DCC: variants seen among roughly 807,000 people sequenced by gnomAD.
DCC encodes the protein DCC netrin 1 receptor, also known as netrin receptor DCC.
DCC carries 58 observed loss-of-function variants against 172.5 expected under a neutral mutation model. The observed-to-expected ratio is 0.34, with a 90% confidence interval of 0.27 to 0.42. The LOEUF (loss-of-function observed/expected upper bound fraction) is 0.42, where lower values mean the gene tolerates loss of function less well. Ranked by LOEUF, DCC falls within the 10% of genes least tolerant of loss-of-function variation. The pLI is 1.00. For missense variants in DCC, 1,740 were observed against 1,791.0 expected (o/e 0.97, Z 0.51); for synonymous variants, 709 against 644.5 (o/e 1.10, Z -1.52).
intron 27 of DCC, among the ~76,000 whole-genome samples, chr18:53,513,658 G>T (rs12457084): frequency 0.13 from 20,450 of 151,746 alleles, 1,612 homozygotes; most frequent in Admixed American, 0.25. Flanking sequence ...GGCAGGGGTT[G>T]CAATCCTAGT....
chr18:52,435,650 G>A (rs1987768694), intron 1 of DCC, among the ~76,000 whole-genome samples: 1 of 152,032 alleles, frequency 6.6e-6, no homozygotes, highest in Admixed American at 6.6e-5. Context: ...TTTCCTCCTG[G>A]GCCACCTGTT....
At chr18:53,426,723 C>T (rs1174202656) in intron 21 of DCC, among the ~76,000 whole-genome samples, 1 of 152,014 alleles carries the variant, frequency 6.6e-6, no homozygotes, top group African/African-American at 2.4e-5. Context: ...CACTGACTTA[C>T]AAACTTCTGC....
At chr18:53,126,819 G>A (rs531712355) in intron 7 of DCC, among the ~76,000 whole-genome samples, 2 of 152,074 alleles carry the variant, frequency 1.3e-5, no homozygotes, top group South Asian at 2.1e-4. Flanking sequence ...ATTCTGACAC[G>A]TAGAAATTAT....
At chr18:52,554,170 CT>C (rs1267481903) in intron 1 of DCC, among the ~76,000 whole-genome samples, 6 of 152,108 alleles carry the variant, frequency 3.9e-5, no homozygotes, top group African/African-American at 1.4e-4. Context: ...TAGAAATGGC[CT>C]CAAGTTAAAG....
At chr18:53,517,440 AAATATAAT>A (rs545157112) in intron 27 of DCC, among the ~76,000 whole-genome samples, 1,862 of 128,660 alleles carry the variant, frequency 0.014, 40 homozygotes, top group African/African-American at 0.049. Context: ...CTAAAACTTA[AAATATAAT>A]AATAATAATA....
At chr18:53,207,978 T>A (rs1449788894) in intron 11 of DCC, among the ~76,000 whole-genome samples, 161 bp downstream of exon 11, 1 of 151,992 alleles carries the variant, frequency 6.6e-6, no homozygotes, top group African/African-American at 2.4e-5. Flanking sequence ...AGATACATAC[T>A]CCCAGCTGGA....
intron 2 of DCC, among the ~76,000 whole-genome samples, chr18:52,757,530 C>T (rs1434218431): frequency 6.6e-6 from 1 of 152,106 alleles, no homozygotes; most frequent in Non-Finnish European, 1.5e-5. Context: ...CACTGACTTG[C>T]CCTGCACACT....
chr18:53,089,496 A>T (rs1298511481), intron 7 of DCC, among the ~76,000 whole-genome samples: 1 of 152,128 alleles, frequency 6.6e-6, no homozygotes, highest in Admixed American at 6.5e-5. Flanking sequence ...CTCTTTCTTC[A>T]TGAAAAAGTT....
intron 27 of DCC, among the ~76,000 whole-genome samples, chr18:53,521,174 C>A (rs370478820): frequency 6.6e-6 from 1 of 152,074 alleles, no homozygotes; most frequent in Non-Finnish European, 1.5e-5. Flanking sequence ...GTCTTTGAGC[C>A]GAGACAATGT....
chr18:53,149,271 A>C (rs2043964181), intron 7 of DCC, among the ~76,000 whole-genome samples: 1 of 152,150 alleles, frequency 6.6e-6, no homozygotes, highest in African/African-American at 2.4e-5. Flanking sequence ...AAATAACAAT[A>C]ATAACAGCCG....
intron 1 of DCC, among the ~76,000 whole-genome samples, chr18:52,456,495 G>A (rs1988460624): frequency 6.6e-6 from 1 of 152,114 alleles, no homozygotes; most frequent in African/African-American, 2.4e-5. Context: ...AACTTTGTTA[G>A]TGTACCAAGT....
intron 5 of DCC, among the ~76,000 whole-genome samples, chr18:53,011,986 T>G (rs2143882391): frequency 6.6e-6 from 1 of 151,992 alleles, no homozygotes; most frequent in Non-Finnish European, 1.5e-5. Context: ...AATTAAACAA[T>G]GCTGAAATAC....
intron 11 of DCC, among the ~76,000 whole-genome samples, chr18:53,209,950 T>G (rs1265163947): frequency 6.6e-6 from 1 of 152,192 alleles, no homozygotes; most frequent in Admixed American, 6.5e-5. Context: ...ACTTAGACAG[T>G]GTCTGTCAGT....
chr18:53,489,841 C>A (rs1038707130), intron 26 of DCC, among the ~76,000 whole-genome samples: 1 of 152,154 alleles, frequency 6.6e-6, no homozygotes, highest in Non-Finnish European at 1.5e-5. Context: ...AATATTTCTT[C>A]TTCTTAATAA....
rs766535922 is a variant in DCC at position 53,424,898 on chromosome 18, A to T, written c.3163+8742A>T. On this transcript the variant is annotated intron_variant, in intron 21 of 28. Transcript: ENST00000442544. ...CTGGGGCTTTCCTACTTTTCAACATATCAGCTAGCTATTGTCTACACTGGC... is the reference window on the plus strand; with the variant it reads ...CTGGGGCTTTCCTACTTTTCAACATTTCAGCTAGCTATTGTCTACACTGGC... 7.2e-4 allele frequency among the ~76,000 whole-genome samples: 109 copies of T among 152,210 alleles called. 3 individuals carry two copies. Among genetic ancestry groups the T allele is most frequent in the Middle Eastern group, 6.8e-3 (2 of 294 alleles).
At chr18:52,511,863 A>G (rs2031453764) in intron 1 of DCC, among the ~76,000 whole-genome samples, 1 of 152,206 alleles carries the variant, frequency 6.6e-6, no homozygotes, top group South Asian at 2.1e-4. Flanking sequence ...TCGTGCTAAC[A>G]TGCTGTCTTT....
intron 2 of DCC, among the ~76,000 whole-genome samples, chr18:52,864,717 TG>T (rs1438260620): frequency 1.3e-5 from 2 of 152,040 alleles, no homozygotes; most frequent in East Asian, 3.9e-4. Context: ...CAGTGTGTGT[TG>T]TTCCCCTCCG....
chr18:52,446,464 T>C (rs1368231242), intron 1 of DCC, among the ~76,000 whole-genome samples: 1 of 152,226 alleles, frequency 6.6e-6, no homozygotes, highest in African/African-American at 2.4e-5. Context: ...ACTACTTCTC[T>C]AGATCATATC....
At chr18:53,085,514 A>AAATT (rs2042865058) in intron 7 of DCC, among the ~76,000 whole-genome samples, 1 of 152,118 alleles carries the variant, frequency 6.6e-6, no homozygotes, top group African/African-American at 2.4e-5. Context: ...CAAATCACCT[A>AAATT]GTCACCGTCT....
Sources: allele counts gnomAD v4.1 joint callset (sites outside exome capture counted in the v4.1 genomes callset), GRCh38; gene constraint gnomAD v4.1.1; transcripts MANE v1.5; gene names NCBI Gene and HGNC (gene_info 2026-07-23, HGNC 2026-07-21).